Variants in SULF1 observed in about 807,000 individuals in gnomAD.
SULF1 encodes the protein sulfatase 1.
SULF1 carries 46 observed loss-of-function variants against 110.5 expected under a neutral mutation model. The observed-to-expected ratio is 0.42, with a 90% confidence interval of 0.33 to 0.53. SULF1 has a LOEUF of 0.53. SULF1 is among the 20% of genes least tolerant of loss of function. The pLI is 0.12. For missense variants in SULF1, 941 were observed against 1,094.2 expected (o/e 0.86, Z 1.98); for synonymous variants, 371 against 387.1 (o/e 0.96, Z 0.49).
At chr8:69,589,195 C>T in intron 8 of SULF1, 54 bp downstream of exon 8, 1 of 1,534,060 alleles carries the variant, frequency 6.5e-7, no homozygotes, top group Admixed American at 1.8e-5. Flanking sequence ...CCCTTTTCTC[C>T]TCATCCCACT....
intron 1 of SULF1, among the ~76,000 whole-genome samples, chr8:69,470,816 C>T (rs980713456): frequency 6.6e-6 from 1 of 152,178 alleles, no homozygotes; most frequent in Non-Finnish European, 1.5e-5. Context: ...CCATTTCTCC[C>T]CGCCAAATCC....
At chr8:69,554,725 A>G (rs984269912) in intron 3 of SULF1, among the ~76,000 whole-genome samples, 6 of 152,082 alleles carry the variant, frequency 3.9e-5, no homozygotes, top group Non-Finnish European at 8.8e-5. Flanking sequence ...CACACCTGTA[A>G]TCCTAGCACT....
At position 69,596,951 on chromosome 8, in the gene SULF1, T is replaced by C. The variant is rs1329222850; in HGVS notation, c.735-3652T>C. 5 of 152,196 alleles carry C rather than the reference T, an allele frequency of 3.3e-5. No homozygotes were observed. The East Asian group carries it at 9.6e-4, about 29-fold the overall frequency. The allele number at this position is 152,196 out of a possible 1,614,324, so 9.4% of individuals were successfully genotyped here. A position where few individuals can be genotyped will look rare whatever the true frequency, so the allele number is the denominator to read the frequency against. On this transcript the variant is annotated intron_variant, in intron 8 of 22. Transcript: ENST00000402687. The stretch of plus-strand genomic sequence containing the variant: ...ATCCCCATTATATAGATGAGGAAAC[T>C]GAGACTTAGACAAAAAGTTGTCCAA...
chr8:69,565,117 C>T (rs1010765561), intron 5 of SULF1, among the ~76,000 whole-genome samples: 2 of 152,088 alleles, frequency 1.3e-5, no homozygotes, highest in Admixed American at 6.5e-5. Flanking sequence ...TGAAACCAGA[C>T]GGTGAGATCC....
chr8:69,649,973 T>TC (rs1812207045), intron 22 of SULF1, among the ~76,000 whole-genome samples: 2 of 19,402 alleles, frequency 1.0e-4, no homozygotes, highest in Non-Finnish European at 9.1e-5. Flanking sequence ...TCCTGCTTGC[T>TC]TTTTTTTTTT....
chr8:69,474,693 T>C (rs1469553527), intron 1 of SULF1, among the ~76,000 whole-genome samples: 3 of 152,222 alleles, frequency 2.0e-5, no homozygotes, highest in East Asian at 3.8e-4. Flanking sequence ...TCACATTCTT[T>C]TTCATATGTG....
intron 13 of SULF1, among the ~76,000 whole-genome samples, chr8:69,607,173 G>C (rs1327483257): frequency 6.6e-6 from 1 of 152,224 alleles, no homozygotes; most frequent in African/African-American, 2.4e-5. Context: ...AGCAATCTGT[G>C]TGTTAACAAG....
chr8:69,574,760 C>CT (rs1443512174), intron 5 of SULF1, among the ~76,000 whole-genome samples: 1 of 152,180 alleles, frequency 6.6e-6, no homozygotes, highest in Non-Finnish European at 1.5e-5. Flanking sequence ...GCCCTGAAGA[C>CT]AACCAGAAGA....
At chr8:69,528,736 T>G (rs115716889) in intron 3 of SULF1, among the ~76,000 whole-genome samples, 1,751 of 152,266 alleles carry the variant, frequency 0.011, 31 homozygotes, top group African/African-American at 0.04. Context: ...ATGAGACATA[T>G]TCACAGTTGG....
chr8:69,560,448 A>C (rs1044172154), intron 3 of SULF1, among the ~76,000 whole-genome samples: 3 of 152,034 alleles, frequency 2.0e-5, no homozygotes, highest in Admixed American at 2.0e-4. Flanking sequence ...TTTCCACACC[A>C]ATTGACCATA....
intron 2 of SULF1, among the ~76,000 whole-genome samples, chr8:69,497,905 G>A (rs962898489): frequency 2.6e-5 from 4 of 152,078 alleles, no homozygotes; most frequent in East Asian, 3.9e-4. Context: ...TTAACTTCTC[G>A]ATATATTCTC....
At chr8:69,589,831 A>C (rs1312578226) in intron 8 of SULF1, among the ~76,000 whole-genome samples, 4 of 152,220 alleles carry the variant, frequency 2.6e-5, no homozygotes, top group Admixed American at 2.0e-4. Context: ...GCAGCAAAGA[A>C]CATGATTTTG....
At chr8:69,484,108 C>T (rs1809607252) in intron 1 of SULF1, among the ~76,000 whole-genome samples, 1 of 152,162 alleles carries the variant, frequency 6.6e-6, no homozygotes, top group East Asian at 1.9e-4. Context: ...ATACCCGCTA[C>T]CATTAACTAG....
At chr8:69,538,479 G>A (rs184359415) in intron 3 of SULF1, among the ~76,000 whole-genome samples, 3 of 152,206 alleles carry the variant, frequency 2.0e-5, no homozygotes, top group Admixed American at 2.0e-4. Context: ...CAGCCTCCAG[G>A]AGTCTGCCCC....
chr8:69,562,511 A>G (rs1368501668), intron 3 of SULF1, among the ~76,000 whole-genome samples: 1 of 152,182 alleles, frequency 6.6e-6, no homozygotes, highest in Non-Finnish European at 1.5e-5. Context: ...GGCAGCCTAA[A>G]TTCCCATAAA....
At chr8:69,564,291 G>A in intron 5 of SULF1, 144 bp downstream of exon 5, 1 of 996,512 alleles carries the variant, frequency 1.0e-6, no homozygotes, top group East Asian at 2.5e-5. Flanking sequence ...AACTTGTATT[G>A]ACCATAAGGC....
intron 3 of SULF1, among the ~76,000 whole-genome samples, chr8:69,503,660 A>C (rs1810966472): frequency 6.6e-6 from 1 of 152,208 alleles, no homozygotes; most frequent in South Asian, 2.1e-4. Flanking sequence ...ATTCAAAATT[A>C]ACCGTAGAAG....
At chr8:69,583,070 A>G (rs541036110) in intron 6 of SULF1, among the ~76,000 whole-genome samples, 2 of 152,356 alleles carry the variant, frequency 1.3e-5, no homozygotes, top group African/African-American at 4.8e-5. Flanking sequence ...AGCAGCGGGC[A>G]CTTGGCTGAC....
intron 8 of SULF1, among the ~76,000 whole-genome samples, chr8:69,599,606 C>T (rs2130378385): frequency 6.6e-6 from 1 of 152,326 alleles, no homozygotes; most frequent in East Asian, 1.9e-4. Flanking sequence ...ATACCCAACA[C>T]ATATTAAACT....
Sources: allele counts gnomAD v4.1 joint callset (sites outside exome capture counted in the v4.1 genomes callset), GRCh38; gene constraint gnomAD v4.1.1; transcripts MANE v1.5; gene names NCBI Gene and HGNC (gene_info 2026-07-23, HGNC 2026-07-21).